Variants in EGFR observed in about 807,000 individuals in gnomAD.
EGFR encodes avian erythroblastic leukemia viral (v-erb-b) oncogene homolog.
In EGFR, 58 loss-of-function variants were observed where a neutral mutation model predicts 143.0. That is an observed-to-expected ratio of 0.41 (90% CI 0.33 to 0.50). The LOEUF is 0.50. Ranked by LOEUF, EGFR falls within the 20% of genes least tolerant of loss-of-function variation. EGFR has a pLI of 0.39. For missense variants in EGFR, 1,307 were observed against 1,579.0 expected (o/e 0.83, Z 2.92); for synonymous variants, 613 against 594.4 (o/e 1.03, Z -0.45).
At chr7:55,141,257 CTT>C (rs1794442246) in intron 1 of EGFR, among the ~76,000 whole-genome samples, 1 of 152,344 alleles carries the variant, frequency 6.6e-6, no homozygotes, top group African/African-American at 2.4e-5. Context: ...CCAAGACTCT[CTT>C]TTGTTATGCT....
At chr7:55,159,150 A>C (rs1785573065) in intron 11 of EGFR, among the ~76,000 whole-genome samples, 1 of 152,060 alleles carries the variant, frequency 6.6e-6, no homozygotes, top group Non-Finnish European at 1.5e-5. Context: ...CAGCCCTCCC[A>C]GCCTGCATCA....
chr7:55,117,766 G>T (rs978397714), intron 1 of EGFR, among the ~76,000 whole-genome samples: 3 of 152,232 alleles, frequency 2.0e-5, no homozygotes, highest in Non-Finnish European at 4.4e-5. Flanking sequence ...TGATTCTGCA[G>T]TCATGGTGAA....
At chr7:55,084,004 A>G (rs1043043867) in intron 1 of EGFR, among the ~76,000 whole-genome samples, 2 of 152,242 alleles carry the variant, frequency 1.3e-5, no homozygotes, top group African/African-American at 4.8e-5. Context: ...TAACAGGGTC[A>G]AGGCCAAATC....
At chr7:55,168,618 C>T in intron 15 of EGFR, 2 of 1,589,056 alleles carry the variant, frequency 1.3e-6, no homozygotes, top group Admixed American at 1.7e-5. Context: ...AAATAAAGTC[C>T]TGACACTATT....
chr7:55,134,748 G>A (rs1794043432), intron 1 of EGFR, among the ~76,000 whole-genome samples: 1 of 152,244 alleles, frequency 6.6e-6, no homozygotes, highest in Non-Finnish European at 1.5e-5. Flanking sequence ...AGGTAAAACA[G>A]TTATCATTGA....
intron 1 of EGFR, among the ~76,000 whole-genome samples, chr7:55,081,210 A>G: frequency 6.6e-6 from 1 of 152,264 alleles, no homozygotes; most frequent in Non-Finnish European, 1.5e-5. Flanking sequence ...CAGAATGGAA[A>G]TGATTAACAG....
chr7:55,168,425 A>C lies in EGFR; in HGVS notation c.1881-2750A>C, dbSNP rs559911661. The C allele has an allele frequency of 6.0e-6, 5 of 829,294 alleles. No individual in the cohort carries two copies. The Admixed American group carries it at 7.4e-5, about 12-fold the overall frequency. 51.4% of individuals were successfully genotyped at this position (829,294 alleles called of 1,614,324 possible). A position where few individuals can be genotyped will look rare whatever the true frequency, so the allele number is the denominator to read the frequency against. On this transcript the variant is annotated intron_variant, in intron 15 of 27. Transcript: ENST00000275493. ...ATTTTCAATACACTTACTTTGTATA[A>C]GAAATAGTTTGCCAAATATAGAAAG...
At chr7:55,201,934 C>T (rs902891856) in intron 26 of EGFR, 152 bp downstream of exon 26, 15 of 916,902 alleles carry the variant, frequency 1.6e-5, no homozygotes, top group Non-Finnish European at 2.4e-5. Flanking sequence ...TCACGCCTCA[C>T]AGTGCCGTTC....
At chr7:55,179,094 A>T (rs1037801710) in intron 19 of EGFR, among the ~76,000 whole-genome samples, 5 of 152,246 alleles carry the variant, frequency 3.3e-5, no homozygotes, top group Non-Finnish European at 7.3e-5. Flanking sequence ...GGGTGATCCG[A>T]CACTGCAGAG....
chr7:55,144,496 G>A (rs1794648309), intron 3 of EGFR, among the ~76,000 whole-genome samples: 1 of 152,182 alleles, frequency 6.6e-6, no homozygotes, highest in African/African-American at 2.4e-5. Context: ...GGAAAGGGGT[G>A]TGATGAAAGG....
chr7:55,174,656 C>T (rs1013318934), intron 18 of EGFR, 66 bp from the exon 19 acceptor site: 29 of 1,333,068 alleles, frequency 2.2e-5, no homozygotes, highest in African/African-American at 7.2e-5. Context: ...CCACCCAGAT[C>T]ACTGGGCAGC....
intron 1 of EGFR, among the ~76,000 whole-genome samples, chr7:55,027,253 G>A (rs1263438046): frequency 1.3e-5 from 2 of 152,160 alleles, no homozygotes; most frequent in African/African-American, 4.8e-5. Context: ...TTCAGTGGGA[G>A]CCCAAAAGAG....
intron 1 of EGFR, among the ~76,000 whole-genome samples, chr7:55,129,594 G>C (rs1178062437): frequency 6.6e-6 from 1 of 152,136 alleles, no homozygotes; most frequent in Non-Finnish European, 1.5e-5. Context: ...TAGGGAGTGA[G>C]TATCCCAATC....
intron 11 of EGFR, among the ~76,000 whole-genome samples, chr7:55,159,506 C>A (rs182144341): frequency 1.3e-5 from 2 of 152,322 alleles, no homozygotes; most frequent in East Asian, 3.9e-4. Context: ...GGCCTCACAA[C>A]CTTGGGCATA....
At chr7:55,056,934 A>T (rs1029834022) in intron 1 of EGFR, among the ~76,000 whole-genome samples, 1 of 152,226 alleles carries the variant, frequency 6.6e-6, no homozygotes, top group Non-Finnish European at 1.5e-5. Context: ...GGCACATTTC[A>T]GGGGCCCACA....
At chr7:55,198,593 A>G in intron 22 of EGFR, 124 bp from the exon 23 acceptor site, 2 of 1,488,418 alleles carry the variant, frequency 1.3e-6, no homozygotes, top group African/African-American at 1.4e-5. Flanking sequence ...CAAATTGCCC[A>G]AGACTACAGA....
chr7:55,039,937 A>G (rs1787806150), intron 1 of EGFR, among the ~76,000 whole-genome samples: 1 of 152,206 alleles, frequency 6.6e-6, no homozygotes, highest in Non-Finnish European at 1.5e-5. Flanking sequence ...CTGAAGCAGT[A>G]TAGCTCTCTT....
intron 20 of EGFR, among the ~76,000 whole-genome samples, chr7:55,186,038 G>A (rs1036809152): frequency 4.6e-5 from 7 of 152,148 alleles, no homozygotes; most frequent in African/African-American, 1.2e-4. Flanking sequence ...GGGCTATCCC[G>A]TCCACACCGG....
intron 1 of EGFR, among the ~76,000 whole-genome samples, chr7:55,052,850 AAAG>A (rs1409877388): frequency 1.3e-5 from 2 of 152,152 alleles, no homozygotes; most frequent in African/African-American, 4.8e-5. Context: ...CCGTTCTGAA[AAAG>A]AAGAAGGCAG....
Sources: gnomAD v4.1 joint callset for allele counts (sites outside exome capture counted in the v4.1 genomes callset) on GRCh38, gnomAD v4.1.1 for gene constraint, MANE v1.5 for transcripts, NCBI Gene and HGNC (gene_info 2026-07-23, HGNC 2026-07-21) for gene names.